Variants in RBFOX1 observed in about 807,000 individuals in gnomAD.
RBFOX1 encodes the protein RNA binding fox-1 homolog 1.
Under a neutral mutation model 57.7 loss-of-function variants are expected in RBFOX1, and 8 were observed. That is an observed-to-expected ratio of 0.14 (90% CI 0.08 to 0.25). RBFOX1 has a LOEUF of 0.25. Ranked by LOEUF, RBFOX1 falls within the 10% of genes least tolerant of loss-of-function variation. RBFOX1 has a pLI of 1.00. For synonymous variants in RBFOX1, 326 were observed against 222.4 expected, an observed-to-expected ratio of 1.47 and a Z score of -4.15; for missense variants, 611 against 548.5, an observed-to-expected ratio of 1.11 and a Z score of -1.14.
intron 4 of RBFOX1, among the ~76,000 whole-genome samples, chr16:7,485,887 G>A (rs2065234561): frequency 6.6e-6 from 1 of 152,098 alleles, no homozygotes; most frequent in Admixed American, 6.5e-5. Flanking sequence ...TGTAAATAAA[G>A]TTTTATTGGC....
chr16:7,634,977 G>A (rs2061532132), intron 11 of RBFOX1, among the ~76,000 whole-genome samples: 1 of 152,186 alleles, frequency 6.6e-6, no homozygotes, highest in East Asian at 1.9e-4. Flanking sequence ...TTAACAGAAA[G>A]GTTTAGTGAA....
intron 2 of RBFOX1, chr16:6,483,778 A>G: frequency 1.4e-6 from 2 of 1,404,278 alleles, no homozygotes; most frequent in Non-Finnish European, 1.9e-6. Context: ...GTCCAACGTT[A>G]GCGCAGACAC....
chr16:5,921,681 G>A (rs1412621414), intron 4 of RBFOX1, among the ~76,000 whole-genome samples: 3 of 152,142 alleles, frequency 2.0e-5, no homozygotes, highest in Non-Finnish European at 4.4e-5. Context: ...AAGAAAAGAG[G>A]TTTAATTGGC....
chr16:7,432,936 A>G (rs2098693721), intron 4 of RBFOX1, among the ~76,000 whole-genome samples: 1 of 152,222 alleles, frequency 6.6e-6, no homozygotes, highest in Non-Finnish European at 1.5e-5. Flanking sequence ...CAATGTGTCA[A>G]GTGGCATTTT....
At chr16:6,733,906 G>A (rs576588312) in intron 3 of RBFOX1, among the ~76,000 whole-genome samples, 1 of 152,310 alleles carries the variant, frequency 6.6e-6, no homozygotes, top group African/African-American at 2.4e-5. Flanking sequence ...GCGCTATGCT[G>A]TACAGGGTTT....
intron 14 of RBFOX1, among the ~76,000 whole-genome samples, chr16:7,705,769 T>C (rs2082236673): frequency 6.6e-6 from 1 of 152,100 alleles, no homozygotes; most frequent in Non-Finnish European, 1.5e-5. Flanking sequence ...TGAGACAAGA[T>C]TTATGGCTGT....
At chr16:6,853,441 G>T (rs1603632525) in intron 3 of RBFOX1, among the ~76,000 whole-genome samples, 1 of 152,230 alleles carries the variant, frequency 6.6e-6, no homozygotes, top group East Asian at 1.9e-4. Flanking sequence ...TGGGCTTCCT[G>T]GTTTAAAAGG....
At chr16:7,035,841 A>C (rs1238789167) in intron 3 of RBFOX1, among the ~76,000 whole-genome samples, 4 of 152,116 alleles carry the variant, frequency 2.6e-5, no homozygotes, top group Non-Finnish European at 5.9e-5. Flanking sequence ...TATGTCTTCC[A>C]GCACTCCTTC....
At chr16:7,544,853 G>A (rs2083977582) in intron 5 of RBFOX1, among the ~76,000 whole-genome samples, 1 of 151,582 alleles carries the variant, frequency 6.6e-6, no homozygotes, top group Non-Finnish European at 1.5e-5. Context: ...AATTTTCTTT[G>A]TTTGCTTACC....
At chr16:5,293,808 G>A (rs1308983171) in intron 1 of RBFOX1, among the ~76,000 whole-genome samples, 1 of 151,654 alleles carries the variant, frequency 6.6e-6, no homozygotes, top group Non-Finnish European at 1.5e-5. Context: ...TGGGGGGGCG[G>A]GGGGTGTTAA....
intron 3 of RBFOX1, among the ~76,000 whole-genome samples, chr16:5,737,502 AAT>A (rs1464784851): frequency 1.3e-5 from 2 of 149,058 alleles, no homozygotes; most frequent in African/African-American, 2.5e-5. Context: ...AAATAAATAA[AAT>A]TAAAACAAAA....
chr16:7,266,134 C>G (rs796502063), intron 4 of RBFOX1, among the ~76,000 whole-genome samples: 3 of 152,074 alleles, frequency 2.0e-5, no homozygotes, highest in South Asian at 4.2e-4. Context: ...GCCAATACAC[C>G]TGGCTAATTT....
intron 4 of RBFOX1, among the ~76,000 whole-genome samples, chr16:7,193,837 A>T (rs1465838057): frequency 6.6e-6 from 1 of 152,216 alleles, no homozygotes. Context: ...ACTCAAAATG[A>T]TCAGACATGT....
chr16:7,019,552 T>G (rs892290803), intron 3 of RBFOX1, among the ~76,000 whole-genome samples: 1 of 152,200 alleles, frequency 6.6e-6, no homozygotes, highest in African/African-American at 2.4e-5. Context: ...GCTGTGGATT[T>G]GCAGTTACTT....
At chr16:6,815,676 A>G (rs1381944301) in intron 3 of RBFOX1, among the ~76,000 whole-genome samples, 2 of 152,162 alleles carry the variant, frequency 1.3e-5, no homozygotes, top group African/African-American at 2.4e-5. Context: ...GCCAGGATTC[A>G]AACCTAGACT....
chr16:5,426,761 A>T (rs1213033899), intron 1 of RBFOX1, among the ~76,000 whole-genome samples: 1 of 152,082 alleles, frequency 6.6e-6, no homozygotes, highest in African/African-American at 2.4e-5. Flanking sequence ...ACCCCAGGGG[A>T]GAGAGAGGCT....
At chr16:5,990,439 C>G (rs984011105) in intron 4 of RBFOX1, among the ~76,000 whole-genome samples, 12 of 152,202 alleles carry the variant, frequency 7.9e-5, no homozygotes, top group Non-Finnish European at 1.6e-4. Flanking sequence ...TATTCACATT[C>G]GAGGATCCCC....
intron 10 of RBFOX1, among the ~76,000 whole-genome samples, chr16:7,608,967 A>AT (rs1276046213): frequency 6.6e-6 from 1 of 151,994 alleles, no homozygotes; most frequent in Non-Finnish European, 1.5e-5. Flanking sequence ...GGGGGTGTTA[A>AT]TTTCTGGGAT....
At chr16:7,021,896 T>G (rs1568406875) in intron 3 of RBFOX1, among the ~76,000 whole-genome samples, 2 of 122,256 alleles carry the variant, frequency 1.6e-5, no homozygotes, top group African/African-American at 3.8e-5. Flanking sequence ...TCTTTCTTTC[T>G]TTTCTTTCTT....
Sources: gnomAD v4.1 joint callset for allele counts (sites outside exome capture counted in the v4.1 genomes callset) on GRCh38, gnomAD v4.1.1 for gene constraint, MANE v1.5 for transcripts, NCBI Gene and HGNC (gene_info 2026-07-23, HGNC 2026-07-21) for gene names.